Variants in SMC1A observed in about 807,000 individuals in gnomAD.
SMC1A encodes structural maintenance of chromosomes protein 1A.
SMC1A carries 4 observed loss-of-function variants against 94.5 expected under a neutral mutation model. The ratio of observed to expected loss-of-function variants is 0.04; its 90% CI spans 0.02 to 0.10. The LOEUF is 0.10. SMC1A is among the 10% of genes least tolerant of loss of function. The probability of loss-of-function intolerance (pLI) is 1.00; values close to 1 mark genes in which losing one functional copy is unlikely to be tolerated. For missense variants in SMC1A, 304 were observed against 989.0 expected (o/e 0.31, Z 9.29); for synonymous variants, 345 against 347.7 (o/e 0.99, Z 0.09).
At chrX:53,383,831 G>A (rs1386957519) in intron 19 of SMC1A, among the ~76,000 whole-genome samples, 1 of 112,168 alleles carries the variant, frequency 8.9e-6, no homozygotes, top group Non-Finnish European at 1.9e-5. Context: ...TGTCCTGTGA[G>A]CCCTGGTTTC....
At chrX:53,419,040 CAAA>C (rs34765834) in intron 1 of SMC1A, among the ~76,000 whole-genome samples, 9 of 36,734 alleles carry the variant, frequency 2.5e-4, no homozygotes, top group African/African-American at 9.5e-4. Context: ...GACTCTGTCT[CAAA>C]AAAAAAAAAA....
Position 53,404,781 on chromosome X carries a change from C to T in SMC1A, c.2196+231G>A. The stretch of plus-strand genomic sequence containing the variant: ...AGGTATCATCTTAACTCGCATTTCA[C>T]AGATAAAGATGTGAAGGTTGACACT... On this transcript the variant is annotated intron_variant, in intron 13 of 24. Coordinates refer to ENST00000322213, the MANE Select transcript of SMC1A (RefSeq NM_006306.4). Among the ~76,000 whole-genome samples the T allele has an allele frequency of 1.8e-5, 2 of 111,912 alleles. 1 individual carries two copies. The highest frequency in any genetic ancestry group is 7.5e-4 in the South Asian group (2 of 2,666).
rs782115828 is a variant in SMC1A at position 53,403,690 on chromosome X, G to A, written c.2314-18C>T. On this transcript the variant is annotated intron_variant, in intron 14 of 24. Coordinates refer to ENST00000322213, the MANE Select transcript of SMC1A (RefSeq NM_006306.4). ...TCCTCTACCTGAGAAGAGAAGCCAG[G>A]GAGGGCATCGGCCCTTTTAGTCTGT... 3 of 1,187,658 alleles carry A rather than the reference G, an allele frequency of 2.5e-6. No homozygotes were observed. The highest frequency in any genetic ancestry group is 3.6e-5 in the South Asian group (2 of 55,441).
chrX:53,392,282 C>T (rs1444070465), intron 19 of SMC1A, among the ~76,000 whole-genome samples: 7 of 107,671 alleles, frequency 6.5e-5, no homozygotes, highest in African/African-American at 2.4e-4. Flanking sequence ...GTCCCAGCTA[C>T]GTGGGAGGCT....
chrX:53,396,336 T>G lies in SMC1A; in HGVS notation c.2753A>C (p.Lys918Thr). 1 of 1,211,676 alleles carries G rather than the reference T, an allele frequency of 8.3e-7. No homozygotes were observed. Among genetic ancestry groups the G allele is most frequent in the Non-Finnish European group, 1.1e-6 (1 of 895,475 alleles). Residue 918 changes from lysine (K) to threonine (T), a missense_variant, in exon 18 of 25, where the codon AAG becomes ACG. This residue lies in a region of SMC1A where 35 missense variants were observed against 95.4 expected (regional missense o/e 0.37). Coordinates refer to ENST00000322213, the MANE Select transcript of SMC1A (RefSeq NM_006306.4). ...ACGGTCACTGCGCTTCTGTTCAAGCTTGGTCTCAATGGCTGTCACCTCCTT... is the reference window on the plus strand; with the variant it reads ...ACGGTCACTGCGCTTCTGTTCAAGCGTGGTCTCAATGGCTGTCACCTCCTT... ...LQKEVTAIET[K>T]LEQKRSDRHN... is the part of the protein sequence containing the mutation.
rs782632073 is a variant in SMC1A, at chrX:53,422,624, T to G, written c.-24A>C. The G allele has an allele frequency of 9.7e-7, 1 of 1,029,084 alleles. No individual in the cohort carries two copies. The allele number at this position is 1,029,084 out of a possible 1,213,427, so 84.8% of individuals were successfully genotyped here. ...ATGACGGCCGCGGCGCCGGCGGCAG[T>G]AGGACAGGCCGCGCCGTACGCCCGA... On this transcript the variant is annotated 5_prime_UTR_variant, in exon 1 of 25. Coordinates refer to ENST00000322213, the MANE Select transcript of SMC1A (RefSeq NM_006306.4).
rs782463453 is a variant in SMC1A, at chrX:53,381,124, G to A, written c.3438-37C>T. ...CCAGTAGGTGAGCTGACACTGAGGC[G>A]GGGAGGGGGTGGCAAGGCGGGGTGG... is the stretch of plus-strand genomic sequence containing the variant. On this transcript the variant is annotated intron_variant, in intron 22 of 24. Transcript: ENST00000322213. 96 of 926,473 alleles carry A rather than the reference G, an allele frequency of 1.0e-4. No individual in the cohort carries two copies. In the East Asian group the frequency reaches 2.0e-3, roughly 20 times the overall value. The allele number at this position is 926,473 out of a possible 1,213,427, so 76.4% of individuals were successfully genotyped here.
In SMC1A at chrX:53,380,128, G is replaced by C. The variant is rs1556885701; in HGVS notation, c.3677C>G (p.Ala1226Gly). 1.7e-6 allele frequency: 2 copies of C among 1,208,037 alleles called. No homozygotes were observed. The highest frequency in any genetic ancestry group is 1.8e-5 in the South Asian group (1 of 56,599). Residue 1226 changes from alanine to glycine, a missense_variant, in exon 25 of 25, where the codon GCC (alanine) becomes GGC (glycine). This residue lies in a region of SMC1A where 24 missense variants were observed against 43.5 expected (regional missense o/e 0.55). Coordinates refer to ENST00000322213, the MANE Select transcript of SMC1A (RefSeq NM_006306.4). ...LTFDLTKYPD[A>G]NPNPNEQ is the part of the protein sequence containing the mutation. ...CTACTGCTCATTGGGGTTGGGGTTG[G>C]CATCTGGGTACTTGGTGAGGTCGAA...
chrX:53,395,586 G>A (rs1043884295), intron 18 of SMC1A, among the ~76,000 whole-genome samples: 6 of 111,702 alleles, frequency 5.4e-5, no homozygotes, highest in African/African-American at 2.0e-4. Flanking sequence ...GGAAAGTGAG[G>A]AGGGAGAAAG....
intron 3 of SMC1A, among the ~76,000 whole-genome samples, chrX:53,413,943 G>A (rs1360843921): frequency 1.8e-5 from 2 of 109,624 alleles, no homozygotes; most frequent in Non-Finnish European, 3.8e-5. Flanking sequence ...CAGGCATGGC[G>A]GCGGGCGCCT....
At chrX:53,384,992 AATATATAT>A (rs1306359802) in intron 19 of SMC1A, among the ~76,000 whole-genome samples, 1 of 107,893 alleles carries the variant, frequency 9.3e-6, no homozygotes, top group Non-Finnish European at 1.9e-5. Flanking sequence ...AGCTAAAAAA[AATATATAT>A]ATATATATGG....
chrX:53,411,078 GAGAA>G (rs1217055073), intron 7 of SMC1A, among the ~76,000 whole-genome samples: 2 of 109,522 alleles, frequency 1.8e-5, no homozygotes, highest in South Asian at 7.9e-4. Context: ...CTGCATGACA[GAGAA>G]AGACTCTGTC....
At chrX:53,388,527 TA>T (rs1556886711) in intron 19 of SMC1A, among the ~76,000 whole-genome samples, 4 of 108,073 alleles carry the variant, frequency 3.7e-5, no homozygotes, top group Non-Finnish European at 7.6e-5. Context: ...CGTGCTGTGT[TA>T]AAATACATAC....
chrX:53,405,160 C>T lies in SMC1A; in HGVS notation c.2059-11G>A, dbSNP rs1556889487. On this transcript the variant is annotated splice_polypyrimidine_tract_variant and intron_variant, in intron 12 of 24. Coordinates refer to ENST00000322213, the MANE Select transcript of SMC1A (RefSeq NM_006306.4). ...TGCCTTCATCTGCTCCTGAAGGGAA[C>T]AAGAAAGAAGGGCTAGGTGGTAAGG... 8.3e-7 allele frequency: 1 copy of T among 1,211,977 alleles called. No homozygotes were observed. Among genetic ancestry groups the T allele is most frequent in the South Asian group, 1.8e-5 (1 of 56,922 alleles).
Position 53,376,309 on chromosome X carries a change from C to A in SMC1A, c.*3794G>T, listed in dbSNP as rs1029694222. Reference sequence around the variant, plus strand: ...TCATGGCTCCCTCACTGCCTTCAAGCTATGGTTTCCAAATCTGGCTGTACC... The same window carrying A: ...TCATGGCTCCCTCACTGCCTTCAAGATATGGTTTCCAAATCTGGCTGTACC... On this transcript the variant is annotated 3_prime_UTR_variant, in exon 25 of 25. Coordinates refer to ENST00000322213, the MANE Select transcript of SMC1A (RefSeq NM_006306.4). 9.0e-6 allele frequency: 1 copy of A among 111,685 alleles called. No homozygotes were observed. Among genetic ancestry groups the A allele is most frequent in the Admixed American group, 9.5e-5 (1 of 10,529 alleles). The allele number at this position is 111,685 out of a possible 1,213,427, so 9.2% of individuals were successfully genotyped here. A position where few individuals can be genotyped will look rare whatever the true frequency, so the allele number is the denominator to read the frequency against.
Position 53,409,406 on chromosome X carries a change from T to G in SMC1A, c.1337+15A>C, listed in dbSNP as rs1556890201. The G allele has an allele frequency of 1.0e-5, 12 of 1,188,923 alleles. No individual in the cohort carries two copies. The highest frequency in any genetic ancestry group is 2.2e-5 in the Admixed American group (1 of 45,620). On this transcript the variant is annotated intron_variant, in intron 8 of 24. Transcript: ENST00000322213. ...CAGGCCTGGAAGTAAGGGGGACAGA[T>G]GCAGAGCTACATACTTGCTAGTGGT...
intron 1 of SMC1A, among the ~76,000 whole-genome samples, chrX:53,419,820 T>C (rs1251904063): frequency 5.4e-5 from 5 of 93,292 alleles, no homozygotes; most frequent in African/African-American, 1.7e-4. Flanking sequence ...AAAGACTTCA[T>C]CTCAAAAAAA....
At chrX:53,390,273 G>A (rs1458709834) in intron 19 of SMC1A, among the ~76,000 whole-genome samples, 1 of 108,222 alleles carries the variant, frequency 9.2e-6, no homozygotes, top group East Asian at 3.0e-4. Context: ...GGATCACGAG[G>A]TCAGGAGTTC....
In SMC1A at chrX:53,414,873, A is replaced by G; in HGVS notation, c.299-3T>C. On this transcript the variant is annotated splice_region_variant and splice_polypyrimidine_tract_variant and intron_variant, in intron 2 of 24. Transcript: ENST00000322213. ...GATCTTGTACTCAGAAGAACCTCCT[A>G]CAAGACAATGCATGAGTTGGCAAGG... The G allele has an allele frequency of 8.4e-7, 1 of 1,195,067 alleles. No individual in the cohort carries two copies. The highest frequency in any genetic ancestry group is 2.2e-5 in the Admixed American group (1 of 46,003).
Sources: allele counts gnomAD v4.1 joint callset (sites outside exome capture counted in the v4.1 genomes callset), GRCh38; gene constraint gnomAD v4.1.1; regional missense constraint gnomAD v4.1.1; transcripts MANE v1.5; gene names NCBI Gene and HGNC (gene_info 2026-07-23, HGNC 2026-07-21).